The following CACNA1A variants were observed in gnomAD, a reference collection of about 807,000 sequenced individuals.
CACNA1A encodes calcium voltage-gated channel subunit alpha1 A.
In CACNA1A, 57 loss-of-function variants were observed where a neutral mutation model predicts 262.4. That is an observed-to-expected ratio of 0.22 (90% CI 0.18 to 0.27). CACNA1A has a LOEUF of 0.27. CACNA1A is among the 10% of genes least tolerant of loss of function. The pLI is 1.00. For missense variants in CACNA1A, 2,526 were observed against 3,562.8 expected (o/e 0.71, Z 7.41); for synonymous variants, 1,431 against 1,419.3 (o/e 1.01, Z -0.18).
chr19:13,366,493 C>T (rs1016793280), intron 4 of CACNA1A, among the ~76,000 whole-genome samples: 1 of 152,010 alleles, frequency 6.6e-6, no homozygotes, highest in Non-Finnish European at 1.5e-5. Flanking sequence ...GACAGGGTCT[C>T]ACTATGTTAT....
chr19:13,398,535 T>C (rs2059846734), intron 3 of CACNA1A, among the ~76,000 whole-genome samples: 1 of 152,208 alleles, frequency 6.6e-6, no homozygotes, highest in Non-Finnish European at 1.5e-5. Flanking sequence ...TAAGTGTTTG[T>C]TGAATGAGCT....
At chr19:13,312,549 CA>C (rs1200608973) in intron 12 of CACNA1A, 119 bp downstream of exon 12, 1 of 633,036 alleles carries the variant, frequency 1.6e-6, no homozygotes, top group Admixed American at 3.7e-5. Flanking sequence ...ATTCCTTCTG[CA>C]TCCATCTGAG....
intron 3 of CACNA1A, among the ~76,000 whole-genome samples, chr19:13,410,059 GAT>G (rs753709092): frequency 4.6e-5 from 7 of 151,938 alleles, no homozygotes; most frequent in Non-Finnish European, 8.8e-5. Context: ...TGTTTCTATA[GAT>G]AACTGTGTGT....
intron 1 of CACNA1A, among the ~76,000 whole-genome samples, chr19:13,459,870 G>A (rs1193322710): frequency 1.3e-5 from 2 of 152,068 alleles, no homozygotes; most frequent in African/African-American, 4.8e-5. Flanking sequence ...CACTTTTATG[G>A]GCTGCAATAT....
At chr19:13,232,770 C>T (rs1003858858) in intron 34 of CACNA1A, among the ~76,000 whole-genome samples, 1 of 144,376 alleles carries the variant, frequency 6.9e-6, no homozygotes, top group Non-Finnish European at 1.5e-5. Context: ...CCCTTCAGGC[C>T]GGGTGCAGTG....
At chr19:13,238,570 C>T (rs2055958184) in intron 31 of CACNA1A, among the ~76,000 whole-genome samples, 1 of 148,516 alleles carries the variant, frequency 6.7e-6, no homozygotes, top group African/African-American at 2.5e-5. Flanking sequence ...CCTTTCCTTG[C>T]ACTCGCTCAC....
In CACNA1A at chr19:13,356,280, C is replaced by T. The variant is rs116734071; in HGVS notation, c.978+3326G>A. On this transcript the variant is annotated intron_variant, in intron 6 of 46. Transcript: ENST00000360228. ...CAGGATCAGTTCTAAACACTTCATG[C>T]GAATCCACCTTACTTAGTCCTCGTG... Among the ~76,000 whole-genome samples, 1,028 of 152,320 alleles carry T rather than the reference C, an allele frequency of 6.7e-3. 9 individuals carry two copies. The highest frequency in any genetic ancestry group is 0.023 in the African/African-American group (959 of 41,562).
intron 15 of CACNA1A, among the ~76,000 whole-genome samples, chr19:13,306,884 C>T (rs1314146924): frequency 6.6e-6 from 1 of 152,212 alleles, no homozygotes; most frequent in Non-Finnish European, 1.5e-5. Context: ...CATTTTCCTT[C>T]TCTTCCTGCT....
At chr19:13,279,876 T>C (rs1056027034) in intron 22 of CACNA1A, among the ~76,000 whole-genome samples, 6 of 150,784 alleles carry the variant, frequency 4.0e-5, no homozygotes, top group South Asian at 2.1e-4. Flanking sequence ...TGACGCCATC[T>C]TGGCTCACTG....
At chr19:13,433,034 C>T (rs1411538100) in intron 3 of CACNA1A, among the ~76,000 whole-genome samples, 2 of 152,070 alleles carry the variant, frequency 1.3e-5, no homozygotes, top group Non-Finnish European at 2.9e-5. Flanking sequence ...TGGCTCATGC[C>T]TGTAATCCCA....
Position 13,466,344 on chromosome 19 carries a change from G to A in CACNA1A, c.294-11132C>T, listed in dbSNP as rs189326461. Among the ~76,000 whole-genome samples, 267 of 145,690 alleles carry A rather than the reference G, an allele frequency of 1.8e-3. 2 individuals are homozygous for A. The highest frequency in any genetic ancestry group is 5.0e-3 in the African/African-American group (198 of 39,238). On this transcript the variant is annotated intron_variant, in intron 1 of 46. Transcript: ENST00000360228. ...TTTTCCTTTTCTTTTTTTTTAAGACGGAGTCTTGCACCTAACCTGGGTCAG... is the reference window on the plus strand; with the variant it reads ...TTTTCCTTTTCTTTTTTTTTAAGACAGAGTCTTGCACCTAACCTGGGTCAG...
chr19:13,424,868 G>C (rs898392685), intron 3 of CACNA1A, among the ~76,000 whole-genome samples: 3 of 151,928 alleles, frequency 2.0e-5, no homozygotes, highest in Non-Finnish European at 4.4e-5. Context: ...GCAGTGGTGC[G>C]ATCTTGGCTC....
intron 1 of CACNA1A, among the ~76,000 whole-genome samples, chr19:13,494,387 G>C (rs1981253099): frequency 6.6e-6 from 1 of 152,162 alleles, no homozygotes; most frequent in Non-Finnish European, 1.5e-5. Context: ...GTTAGCCATG[G>C]GGAGACCTGG....
At position 13,372,954 on chromosome 19, in the gene CACNA1A, T is replaced by C. The variant is rs199888988; in HGVS notation, c.540-1175A>G. Among the ~76,000 whole-genome samples, 19 of 152,322 alleles carry C rather than the reference T, an allele frequency of 1.2e-4. No homozygotes were observed. In the East Asian group the frequency reaches 3.7e-3, roughly 29 times the overall value. ...TCATGAGACCTCATTTGTAAAAGTA[T>C]TGCTGTTGAAACACAGGGTCCCACC... On this transcript the variant is annotated intron_variant, in intron 3 of 46. Transcript: ENST00000360228.
rs1220294928 is a variant in CACNA1A at position 13,209,470 on chromosome 19, C to G, written c.6368G>C (p.Arg2123Pro). The change falls in exon 45 of 47, where the codon CGT (arginine) becomes CCT (proline). Residue 2123 changes from arginine (R) to proline (P), a missense_variant. Arg to Pro is a moderately radical substitution (Grantham distance 103, BLOSUM62 -2). Around this residue, in one of 17 missense-constraint regions of CACNA1A, gnomAD observed 929 missense variants for 868.1 expected, o/e 1.07. Coordinates refer to ENST00000360228, the MANE Select transcript of CACNA1A (RefSeq NM_001127222.2). ...CTTGGGGCCCAGCACGGAGGCTGAA[C>G]GCTTCATGGGGCTGGTGTCTGAGAT... Reference protein sequence around the residue: ...STISDTSPMKRSASVLGPKAR... With the variant: ...STISDTSPMKPSASVLGPKAR... 1.3e-5 allele frequency: 17 copies of G among 1,351,860 alleles called. No individual in the cohort carries two copies. The South Asian group carries it at 3.5e-4, about 28-fold the overall frequency. 83.7% of individuals were successfully genotyped at this position (1,351,860 alleles called of 1,614,324 possible). A position where few individuals can be genotyped will look rare whatever the true frequency, so the allele number is the denominator to read the frequency against.
intron 46 of CACNA1A, among the ~76,000 whole-genome samples, chr19:13,208,313 TGAAAAGA>T (rs1009378045): frequency 6.7e-6 from 1 of 150,268 alleles, no homozygotes; most frequent in Non-Finnish European, 1.5e-5. Flanking sequence ...CACAACAAAG[TGAAAAGA>T]GAAATGAGAA....
Position 13,214,973 on chromosome 19 carries a change from A to G in CACNA1A, c.5732-365T>C. 1 of 209,660 alleles carries G rather than the reference A, an allele frequency of 4.8e-6. No individual in the cohort carries two copies. The highest frequency in any genetic ancestry group is 9.3e-5 in the South Asian group (1 of 10,800). 13.0% of individuals were successfully genotyped at this position (209,660 alleles called of 1,614,324 possible). ...TCTGTGAAATGGAGATGATAGCAAGAGTACTTGCCTCACCTGGTTGTTGTG... is the reference window on the plus strand; with the variant it reads ...TCTGTGAAATGGAGATGATAGCAAGGGTACTTGCCTCACCTGGTTGTTGTG... On this transcript the variant is annotated intron_variant, in intron 38 of 46. Coordinates refer to ENST00000360228, the MANE Select transcript of CACNA1A (RefSeq NM_001127222.2). This position sits in a 1 kb window ranked among gnomAD's most constrained non-coding sequence, Gnocchi z 4.1.
intron 1 of CACNA1A, among the ~76,000 whole-genome samples, chr19:13,486,418 CAT>C (rs1980002315): frequency 1.3e-5 from 2 of 151,318 alleles, no homozygotes; most frequent in African/African-American, 4.9e-5. Context: ...CACACACACA[CAT>C]ACACACACAC....
At chr19:13,294,588 G>C (rs2057623805) in intron 19 of CACNA1A, among the ~76,000 whole-genome samples, 1 of 148,124 alleles carries the variant, frequency 6.8e-6, no homozygotes, top group Non-Finnish European at 1.5e-5. Flanking sequence ...TGCCTCGCAG[G>C]ACAATTCTTG....
Sources: gnomAD v4.1 joint callset for allele counts (sites outside exome capture counted in the v4.1 genomes callset) on GRCh38, gnomAD v4.1.1 for gene constraint, gnomAD v4.1.1 regional missense constraint, Gnocchi (gnomAD v3.1) non-coding constraint, MANE v1.5 for transcripts, NCBI Gene and HGNC (gene_info 2026-07-23, HGNC 2026-07-21) for gene names.